Variants in POFUT4 observed in about 807,000 individuals in gnomAD.
POFUT4 encodes the protein protein O-fucosyltransferase 4.
the POFUT4 span, chr10:73,775,912 G>C: frequency 1.9e-6 from 1 of 532,932 alleles, no homozygotes; most frequent in Non-Finnish European, 3.3e-6. Flanking sequence ...GGTTCAGTGG[G>C]AAACAGAACC....
the POFUT4 span, chr10:73,772,487 G>T: frequency 6.4e-7 from 1 of 1,554,258 alleles, no homozygotes; most frequent in South Asian, 1.2e-5. Context: ...GCCGCCCTCG[G>T]CGCTGGGCGC....
chr10:73,772,282 C>T, the POFUT4 span: 2 of 1,362,262 alleles, frequency 1.5e-6, no homozygotes, highest in East Asian at 3.0e-5. Context: ...TCACGACTAT[C>T]CGCTGGGCGG....
chr10:73,773,270 G>A, the POFUT4 span: 27 of 1,613,978 alleles, frequency 1.7e-5, no homozygotes, highest in East Asian at 6.0e-4. Flanking sequence ...CCACCACCGA[G>A]GATCCAGAGC....
At chr10:73,776,817 C>T in the POFUT4 span, among the ~76,000 whole-genome samples, 1 of 152,072 alleles carries the variant, frequency 6.6e-6, no homozygotes, top group Non-Finnish European at 1.5e-5. Flanking sequence ...GTAGCTGGGA[C>T]TACAGGCATG....
chr10:73,777,115 C>T, the POFUT4 span, among the ~76,000 whole-genome samples: 5 of 152,136 alleles, frequency 3.3e-5, no homozygotes, highest in African/African-American at 1.2e-4. Context: ...GGGATTTCTT[C>T]TCATGAACAG....
the POFUT4 span, chr10:73,779,116 C>T: frequency 6.6e-6 from 1 of 151,296 alleles, no homozygotes; most frequent in African/African-American, 2.4e-5. Context: ...ATATCTAAGC[C>T]AGATGTGATG....
chr10:73,777,033 A>C, the POFUT4 span, among the ~76,000 whole-genome samples: 1 of 151,994 alleles, frequency 6.6e-6, no homozygotes, highest in African/African-American at 2.4e-5. Flanking sequence ...CCTTTTCCAC[A>C]ATTTCTGATG....
the POFUT4 span, chr10:73,773,609 T>G: frequency 6.2e-7 from 1 of 1,614,232 alleles, no homozygotes. Flanking sequence ...GGGGAGTGAA[T>G]GATCCTTTGC....
chr10:73,774,003 T>C, the POFUT4 span: 2 of 606,430 alleles, frequency 3.3e-6, no homozygotes, highest in Non-Finnish European at 2.7e-6. Flanking sequence ...AGATGTAAAA[T>C]ATAATTCAAG....
the POFUT4 span, among the ~76,000 whole-genome samples, chr10:73,776,842 G>T: frequency 6.6e-6 from 1 of 152,154 alleles, no homozygotes; most frequent in East Asian, 1.9e-4. Flanking sequence ...ACCACGCCCA[G>T]CTAATTTTTT....
the POFUT4 span, chr10:73,779,666 T>C: frequency 6.6e-6 from 1 of 152,186 alleles, no homozygotes; most frequent in East Asian, 1.9e-4. Context: ...TAAATGCAGA[T>C]GCTAATTTAG....
chr10:73,772,813 G>A, the POFUT4 span: 6 of 1,611,728 alleles, frequency 3.7e-6, no homozygotes, highest in East Asian at 2.2e-5. Context: ...GCCACGGCCC[G>A]GGCATCCGCC....
chr10:73,777,544 G>A, the POFUT4 span, among the ~76,000 whole-genome samples: 1 of 141,840 alleles, frequency 7.1e-6, no homozygotes, highest in Non-Finnish European at 1.5e-5. Context: ...TTACTAATAC[G>A]CTTCCCTATG....
At chr10:73,775,683 T>C in the POFUT4 span, 1 of 1,613,992 alleles carries the variant, frequency 6.2e-7, no homozygotes, top group Admixed American at 1.7e-5. Context: ...GCAACATCTC[T>C]AAGTGCCCTT....
chr10:73,773,785 G>A, the POFUT4 span: 3 of 1,591,754 alleles, frequency 1.9e-6, no homozygotes, highest in Non-Finnish European at 1.7e-6. Context: ...CCTGGCTTTG[G>A]CAATGTGGAA....
the POFUT4 span, chr10:73,775,748 A>G: frequency 1.9e-6 from 3 of 1,553,698 alleles, no homozygotes; most frequent in South Asian, 2.2e-5. Flanking sequence ...CATGGGACAT[A>G]AGGAGCATCC....
the POFUT4 span, chr10:73,772,949 C>G: frequency 6.2e-7 from 1 of 1,606,470 alleles, no homozygotes; most frequent in African/African-American, 1.3e-5. Context: ...GTGGCGCCGC[C>G]GCGGCTACGC....
At chr10:73,773,968 A>G in the POFUT4 span, 1 of 822,294 alleles carries the variant, frequency 1.2e-6, no homozygotes, top group African/African-American at 1.7e-5. Context: ...AGTTGGGGGG[A>G]TAAGACAAGC....
At chr10:73,774,518 T>C in the POFUT4 span, 1 of 151,972 alleles carries the variant, frequency 6.6e-6, no homozygotes, top group African/African-American at 2.4e-5. Flanking sequence ...CTGGACAATA[T>C]AATAAGAGCC....
Sources: allele counts gnomAD v4.1 joint callset (sites outside exome capture counted in the v4.1 genomes callset), GRCh38; gene constraint gnomAD v4.1.1; transcripts MANE v1.5; gene names NCBI Gene and HGNC (gene_info 2026-07-23, HGNC 2026-07-21).